The following KCNU1 variants were observed in gnomAD, a reference collection of about 807,000 sequenced individuals.
KCNU1 encodes potassium channel subfamily U member 1.
KCNU1 carries 93 observed loss-of-function variants against 126.8 expected under a neutral mutation model. That is an observed-to-expected ratio of 0.73 (90% CI 0.62 to 0.87). The LOEUF (loss-of-function observed/expected upper bound fraction) is 0.87, where lower values mean the gene tolerates loss of function less well. Ranked by LOEUF, KCNU1 falls within the 40% of genes least tolerant of loss-of-function variation. KCNU1 has a pLI of 0.00. For missense variants in KCNU1, 1,330 were observed against 1,367.1 expected, an observed-to-expected ratio of 0.97 and a Z score of 0.43; for synonymous variants, 523 against 494.2, an observed-to-expected ratio of 1.06 and a Z score of -0.77.
chr8:36,924,145 A>G (rs922968058), intron 24 of KCNU1, among the ~76,000 whole-genome samples: 2 of 152,218 alleles, frequency 1.3e-5, no homozygotes, highest in African/African-American at 4.8e-5. Flanking sequence ...GTGTGTAGCC[A>G]TTTGTGAATG....
At chr8:36,811,429 G>A (rs1158178116) in intron 7 of KCNU1, among the ~76,000 whole-genome samples, 3 of 152,088 alleles carry the variant, frequency 2.0e-5, no homozygotes, top group Non-Finnish European at 4.4e-5. Context: ...CAAGTTTCTT[G>A]ACAACATTGG....
chr8:36,912,023 A>G (rs541588690), intron 22 of KCNU1, among the ~76,000 whole-genome samples: 1 of 152,306 alleles, frequency 6.6e-6, no homozygotes, highest in South Asian at 2.1e-4. Flanking sequence ...CCAATTCTAG[A>G]AATAAAAGTA....
At chr8:36,805,373 G>A in intron 4 of KCNU1, 88 bp downstream of exon 4, 1 of 805,776 alleles carries the variant, frequency 1.2e-6, no homozygotes, top group Non-Finnish European at 2.1e-6. Flanking sequence ...CCTACAATCT[G>A]CCCGAGTTTT....
At chr8:36,922,943 G>A (rs975073394) in intron 24 of KCNU1, 2 of 506,536 alleles carry the variant, frequency 3.9e-6, no homozygotes, top group South Asian at 3.1e-5. Context: ...CAGAGCTCAG[G>A]AGATACCACT....
rs770312153 is a variant in KCNU1 at position 36,905,720 on chromosome 8, T to C, written c.2022T>C (p.His674=). 3 of 1,590,204 alleles carry C rather than the reference T, an allele frequency of 1.9e-6. No individual in the cohort carries two copies. The highest frequency in any genetic ancestry group is 2.2e-5 in the South Asian group (2 of 90,624). The part of the protein sequence containing the change: ...ISNFTTRTLQ[H]DVEQDSDQLD... ...TCTTCCTATTTAGGACTCTTCAACA[T>C]GATGTAGAACAAGATTCTGACCAGC... The change falls in exon 20 of 27, where the codon CAT becomes CAC. Residue 674 remains histidine, a synonymous_variant. Transcript: ENST00000399881.
chr8:36,883,133 G>A, intron 19 of KCNU1, among the ~76,000 whole-genome samples: 1 of 152,138 alleles, frequency 6.6e-6, no homozygotes, highest in East Asian at 1.9e-4. Context: ...AATTCACCAG[G>A]CTGAACAATC....
At chr8:36,842,667 A>C (rs2130584003) in intron 16 of KCNU1, among the ~76,000 whole-genome samples, 1 of 152,128 alleles carries the variant, frequency 6.6e-6, no homozygotes, top group Admixed American at 6.6e-5. Context: ...TATTTGCATA[A>C]GTTTTTTTGT....
At position 36,919,814 on chromosome 8, in the gene KCNU1, A is replaced by G. The variant is rs573522767; in HGVS notation, c.2596+917A>G. On this transcript the variant is annotated intron_variant, in intron 23 of 26. Coordinates refer to ENST00000399881, the MANE Select transcript of KCNU1 (RefSeq NM_001031836.3). Reference sequence around the variant, plus strand: ...GAGCAAGATTACCAAAACCACTGGGATTTATCCCAAATTAGGTGAACATCT... The same window carrying G: ...GAGCAAGATTACCAAAACCACTGGGGTTTATCCCAAATTAGGTGAACATCT... Among the ~76,000 whole-genome samples the G allele has an allele frequency of 2.6e-5, 4 of 152,324 alleles. No homozygotes were observed. The South Asian group carries it at 8.3e-4, about 32-fold the overall frequency.
At chr8:36,887,392 G>A (rs1458689899) in intron 19 of KCNU1, among the ~76,000 whole-genome samples, 2 of 149,876 alleles carry the variant, frequency 1.3e-5, no homozygotes, top group Non-Finnish European at 3.0e-5. Context: ...GATTAGTTGA[G>A]CATTTTTCTG....
At position 36,861,866 on chromosome 8, in the gene KCNU1, T is replaced by A. The variant is rs543456615; in HGVS notation, c.1892-2538T>A. 1.1e-4 allele frequency among the ~76,000 whole-genome samples: 17 copies of A among 152,278 alleles called. 4 individuals carry two copies. The highest frequency in any genetic ancestry group is 4.1e-4 in the African/African-American group (17 of 41,556). On this transcript the variant is annotated intron_variant, in intron 18 of 26. Transcript: ENST00000399881. ...ATCACGTATTCCAGAAAAGGAAAGA[T>A]TTGCTTGTTGCTTTCAAGGGAATTG...
chr8:36,875,664 C>G (rs1467469155), intron 19 of KCNU1, among the ~76,000 whole-genome samples: 1 of 151,822 alleles, frequency 6.6e-6, no homozygotes, highest in Non-Finnish European at 1.5e-5. Flanking sequence ...TGATTAATAC[C>G]TTTATATTCA....
chr8:36,802,872 A>G (rs1247603761), intron 2 of KCNU1, among the ~76,000 whole-genome samples: 1 of 152,166 alleles, frequency 6.6e-6, no homozygotes, highest in Non-Finnish European at 1.5e-5. Flanking sequence ...GTGTATATTG[A>G]TCACTGATGA....
At chr8:36,928,732 T>C (rs1808606216) in intron 24 of KCNU1, among the ~76,000 whole-genome samples, 1 of 152,172 alleles carries the variant, frequency 6.6e-6, no homozygotes, top group South Asian at 2.1e-4. Flanking sequence ...ACACCTGCCT[T>C]GTTCAGTGCA....
intron 19 of KCNU1, among the ~76,000 whole-genome samples, chr8:36,883,299 G>A (rs371012736): frequency 2.0e-5 from 3 of 152,256 alleles, no homozygotes; most frequent in Admixed American, 6.5e-5. Flanking sequence ...CTTGATGTCT[G>A]GCTCACTTAG....
At chr8:36,792,328 G>A (rs775527149) in intron 2 of KCNU1, among the ~76,000 whole-genome samples, 10 of 152,102 alleles carry the variant, frequency 6.6e-5, no homozygotes, top group African/African-American at 9.7e-5. Context: ...TTGAAATAAT[G>A]TGTTACTTCT....
chr8:36,894,524 G>A (rs1009799576), intron 19 of KCNU1, among the ~76,000 whole-genome samples: 5 of 152,090 alleles, frequency 3.3e-5, no homozygotes, highest in Admixed American at 3.3e-4. Flanking sequence ...AAGAATTGAA[G>A]ACATCAGAAG....
At chr8:36,899,049 T>C (rs1158309886) in intron 19 of KCNU1, among the ~76,000 whole-genome samples, 1 of 152,152 alleles carries the variant, frequency 6.6e-6, no homozygotes, top group African/African-American at 2.4e-5. Flanking sequence ...ATTGTCTTTT[T>C]ATCTTTCTCT....
intron 19 of KCNU1, among the ~76,000 whole-genome samples, chr8:36,882,421 T>C (rs1367569494): frequency 6.6e-6 from 1 of 152,188 alleles, no homozygotes; most frequent in East Asian, 1.9e-4. Context: ...AGTCAATTAG[T>C]TATGTATGCA....
rs182858143 is a variant in KCNU1, at chr8:36,831,329, G to A, written c.1107-2225G>A. 8.7e-3 allele frequency among the ~76,000 whole-genome samples: 1,316 copies of A among 151,952 alleles called. 7 individuals are homozygous for A. The highest frequency in any genetic ancestry group is 0.014 in the Middle Eastern group (4 of 294). ...TCTAGTTCTAGATCCCTGAGGAATCGCCACACTGACTTCCACAATGGTTGA... is the reference window on the plus strand; with the variant it reads ...TCTAGTTCTAGATCCCTGAGGAATCACCACACTGACTTCCACAATGGTTGA... On this transcript the variant is annotated intron_variant, in intron 10 of 26. Coordinates refer to ENST00000399881, the MANE Select transcript of KCNU1 (RefSeq NM_001031836.3).
Sources: gnomAD v4.1 joint callset for allele counts (sites outside exome capture counted in the v4.1 genomes callset) on GRCh38, gnomAD v4.1.1 for gene constraint, MANE v1.5 for transcripts, NCBI Gene and HGNC (gene_info 2026-07-23, HGNC 2026-07-21) for gene names.